IL1RAPL1: variants seen among roughly 807,000 people sequenced by gnomAD.
IL1RAPL1 encodes interleukin-1 receptor accessory protein-like 1.
Under a neutral mutation model 48.4 loss-of-function variants are expected in IL1RAPL1, and 3 were observed. That is an observed-to-expected ratio of 0.06 (90% CI 0.03 to 0.16). The LOEUF (loss-of-function observed/expected upper bound fraction) is 0.16, where lower values mean the gene tolerates loss of function less well. Ranked by LOEUF, IL1RAPL1 falls within the 10% of genes least tolerant of loss-of-function variation. The probability of loss-of-function intolerance (pLI) is 1.00; values close to 1 mark genes in which losing one functional copy is unlikely to be tolerated. For synonymous variants in IL1RAPL1, 185 were observed against 187.7 expected, an observed-to-expected ratio of 0.99 and a Z score of 0.12; for missense variants, 349 against 530.6, an observed-to-expected ratio of 0.66 and a Z score of 3.36.
At chrX:29,135,565 C>A (rs781328400) in intron 2 of IL1RAPL1, among the ~76,000 whole-genome samples, 11 of 111,107 alleles carry the variant, frequency 9.9e-5, no homozygotes, top group Non-Finnish European at 1.7e-4. Context: ...AGATTAGAAC[C>A]CTGGACCCCA....
At chrX:29,724,561 A>G (rs990805492) in intron 6 of IL1RAPL1, among the ~76,000 whole-genome samples, 1 of 112,184 alleles carries the variant, frequency 8.9e-6, no homozygotes, top group African/African-American at 3.2e-5. Context: ...AACTTGTTTC[A>G]CATGCTTGTC....
chrX:28,995,107 A>T (rs1379552051), intron 2 of IL1RAPL1, among the ~76,000 whole-genome samples: 1 of 111,572 alleles, frequency 9.0e-6, no homozygotes, highest in Non-Finnish European at 1.9e-5. Context: ...TTACATAGTC[A>T]TCAAGCCATT....
intron 2 of IL1RAPL1, among the ~76,000 whole-genome samples, chrX:29,083,538 A>T (rs927822004): frequency 1.8e-5 from 2 of 111,731 alleles, no homozygotes; most frequent in African/African-American, 6.5e-5. Context: ...GCATGCTTTT[A>T]TTCAGCACTC....
chrX:29,476,547 A>G (rs1398494970), intron 5 of IL1RAPL1, among the ~76,000 whole-genome samples: 1 of 111,575 alleles, frequency 9.0e-6, no homozygotes, highest in Non-Finnish European at 1.9e-5. Context: ...AGTATGTATC[A>G]ATAATCATTA....
At chrX:29,117,650 G>T (rs755588267) in intron 2 of IL1RAPL1, among the ~76,000 whole-genome samples, 12 of 111,922 alleles carry the variant, frequency 1.1e-4, no homozygotes, top group African/African-American at 3.2e-4. Context: ...GGTGAATTTT[G>T]ATAAAAGATA....
chrX:29,898,687 G>A (rs186802931), intron 6 of IL1RAPL1, among the ~76,000 whole-genome samples: 1 of 96,170 alleles, frequency 1.0e-5, no homozygotes, highest in South Asian at 3.8e-4. Context: ...GAATGATTCC[G>A]TAAGTATTTT....
intron 2 of IL1RAPL1, among the ~76,000 whole-genome samples, chrX:29,134,155 A>C (rs1393609441): frequency 8.9e-6 from 1 of 111,978 alleles, no homozygotes; most frequent in Non-Finnish European, 1.9e-5. Flanking sequence ...AGCTGCTATA[A>C]ATATTTGTGT....
chrX:28,951,777 G>A (rs1246905785), intron 2 of IL1RAPL1, among the ~76,000 whole-genome samples: 1 of 111,974 alleles, frequency 8.9e-6, no homozygotes, highest in Non-Finnish European at 1.9e-5. Flanking sequence ...CTATAGTGGA[G>A]CATCTGAGCT....
At chrX:29,839,808 C>G (rs1931097772) in intron 6 of IL1RAPL1, among the ~76,000 whole-genome samples, 1 of 111,509 alleles carries the variant, frequency 9.0e-6, no homozygotes, top group Admixed American at 9.6e-5. Flanking sequence ...GTAGTTCCAC[C>G]TACTCAGGGG....
At chrX:28,628,618 T>C (rs1235179454) in intron 1 of IL1RAPL1, among the ~76,000 whole-genome samples, 1 of 112,395 alleles carries the variant, frequency 8.9e-6, no homozygotes, top group East Asian at 2.8e-4. Flanking sequence ...CCCTTTATGT[T>C]CTTAAGTGAA....
intron 6 of IL1RAPL1, among the ~76,000 whole-genome samples, chrX:29,797,014 C>T (rs1309399602): frequency 8.9e-6 from 1 of 112,879 alleles, no homozygotes; most frequent in Non-Finnish European, 1.9e-5. Flanking sequence ...ACTGTGAGAA[C>T]ATCCTTACCA....
intron 2 of IL1RAPL1, among the ~76,000 whole-genome samples, chrX:29,269,795 A>G (rs1932011855): frequency 9.0e-6 from 1 of 110,866 alleles, no homozygotes; most frequent in African/African-American, 3.3e-5. Context: ...TTAATCACAT[A>G]TATTTAAAGT....
intron 1 of IL1RAPL1, among the ~76,000 whole-genome samples, chrX:28,719,938 G>C (rs1043552106): frequency 9.0e-6 from 1 of 110,641 alleles, no homozygotes; most frequent in Non-Finnish European, 1.9e-5. Flanking sequence ...TTGGTCTCAT[G>C]TTTATTCAGT....
At chrX:29,883,986 T>G (rs900756826) in intron 6 of IL1RAPL1, among the ~76,000 whole-genome samples, 1 of 112,188 alleles carries the variant, frequency 8.9e-6, no homozygotes, top group African/African-American at 3.2e-5. Flanking sequence ...GAGAGCTTGG[T>G]TGATAACCAT....
At chrX:28,724,691 C>T (rs943806619) in intron 1 of IL1RAPL1, among the ~76,000 whole-genome samples, 2 of 111,171 alleles carry the variant, frequency 1.8e-5, no homozygotes, top group African/African-American at 3.3e-5. Context: ...TTCCTAGCCT[C>T]GATGGTCTTT....
chrX:29,931,434 A>T (rs1454241940), intron 8 of IL1RAPL1, among the ~76,000 whole-genome samples: 1 of 111,647 alleles, frequency 9.0e-6, no homozygotes, highest in Non-Finnish European at 1.9e-5. Flanking sequence ...TATTACCAAC[A>T]AATTTTGCCA....
intron 2 of IL1RAPL1, among the ~76,000 whole-genome samples, chrX:29,216,916 A>G (rs1930880106): frequency 8.9e-6 from 1 of 111,911 alleles, no homozygotes; most frequent in Non-Finnish European, 1.9e-5. Context: ...CTATGCACAC[A>G]GTGGGTTGTG....
intron 5 of IL1RAPL1, among the ~76,000 whole-genome samples, chrX:29,626,199 A>G (rs1198788693): frequency 8.9e-6 from 1 of 112,197 alleles, no homozygotes; most frequent in Admixed American, 9.5e-5. Flanking sequence ...GATTACTCAT[A>G]TTGAGATACA....
intron 2 of IL1RAPL1, among the ~76,000 whole-genome samples, chrX:29,032,634 T>G (rs188323968): frequency 8.9e-6 from 1 of 112,943 alleles, no homozygotes; most frequent in African/African-American, 3.2e-5. Flanking sequence ...CATATTGTAT[T>G]GTACATATTT....
Sources: allele counts gnomAD v4.1 joint callset (sites outside exome capture counted in the v4.1 genomes callset), GRCh38; gene constraint gnomAD v4.1.1; transcripts MANE v1.5; gene names NCBI Gene and HGNC (gene_info 2026-07-23, HGNC 2026-07-21).